The following LEKR1 variants were observed in gnomAD, a reference collection of about 807,000 sequenced individuals.
The protein encoded by LEKR1 is protein LEKR1.
Under a neutral mutation model 72.4 loss-of-function variants are expected in LEKR1, and 59 were observed. The ratio of observed to expected loss-of-function variants is 0.82; its 90% CI spans 0.66 to 1.01. The LOEUF (loss-of-function observed/expected upper bound fraction) is 1.01, where lower values mean the gene tolerates loss of function less well. LEKR1 is among the 50% of genes least tolerant of loss of function. The pLI is 0.00. For synonymous variants in LEKR1, 257 were observed against 263.2 expected, an observed-to-expected ratio of 0.98 and a Z score of 0.23; for missense variants, 728 against 759.2, an observed-to-expected ratio of 0.96 and a Z score of 0.48.
intron 3 of LEKR1, among the ~76,000 whole-genome samples, chr3:156,868,446 C>T (rs1281517316): frequency 1.3e-5 from 2 of 151,910 alleles, no homozygotes; most frequent in Admixed American, 1.3e-4. Context: ...TTACCTACTG[C>T]CAGAGAACAG....
At chr3:156,845,645 A>G (rs1714495848) in intron 2 of LEKR1, among the ~76,000 whole-genome samples, 1 of 151,858 alleles carries the variant, frequency 6.6e-6, no homozygotes, top group Non-Finnish European at 1.5e-5. Context: ...TCAGTTTGGC[A>G]TATTTATGGA....
chr3:157,036,237 T>C (rs1347130251), intron 12 of LEKR1, among the ~76,000 whole-genome samples: 1 of 152,038 alleles, frequency 6.6e-6, no homozygotes, highest in Non-Finnish European at 1.5e-5. Flanking sequence ...ATTGTATTCA[T>C]TAAACATAAA....
At chr3:156,881,606 C>T (rs1719353507) in intron 3 of LEKR1, among the ~76,000 whole-genome samples, 1 of 151,228 alleles carries the variant, frequency 6.6e-6, no homozygotes, top group South Asian at 2.1e-4. Context: ...ATGCCATCCC[C>T]ATCAAGCTAC....
chr3:156,891,780 C>T (rs774366742), intron 3 of LEKR1, among the ~76,000 whole-genome samples: 43 of 152,036 alleles, frequency 2.8e-4, no homozygotes, highest in Non-Finnish European at 2.1e-4. Context: ...TCTCAAATCT[C>T]CAAGAGATTT....
intron 2 of LEKR1, among the ~76,000 whole-genome samples, chr3:156,845,832 T>G (rs954498769): frequency 2.6e-5 from 4 of 152,152 alleles, no homozygotes; most frequent in Non-Finnish European, 5.9e-5. Flanking sequence ...TACATACAAA[T>G]TTGAGAATAA....
At chr3:156,855,052 TTTAC>T (rs1715877988) in intron 3 of LEKR1, among the ~76,000 whole-genome samples, 2 of 152,042 alleles carry the variant, frequency 1.3e-5, no homozygotes, top group South Asian at 4.1e-4. Context: ...TATGCTATAA[TTTAC>T]TTAATCAATT....
At position 157,026,831 on chromosome 3, in the gene LEKR1, C is replaced by G. The variant is rs141367281; in HGVS notation, c.1369-1272C>G. 1.6e-4 allele frequency among the ~76,000 whole-genome samples: 24 copies of G among 152,244 alleles called. No individual in the cohort carries two copies. The South Asian group carries it at 3.9e-3, about 25-fold the overall frequency. On this transcript the variant is annotated intron_variant, in intron 11 of 12. Coordinates refer to ENST00000356539, the MANE Select transcript of LEKR1 (RefSeq NM_001004316.3). The stretch of plus-strand genomic sequence containing the variant: ...GTTTCATTAGAAGCAGCTCTTGTTT[C>G]GTTGTTTTGTTTCTTAAGGAGAAAG...
intron 6 of LEKR1, 89 bp from the exon 7 acceptor site, chr3:156,979,105 A>C: frequency 1.8e-6 from 1 of 544,250 alleles, no homozygotes; most frequent in East Asian, 6.9e-5. Flanking sequence ...TCAGGAGCTG[A>C]CTAGCAACAA....
At chr3:156,936,582 G>A (rs79945627) in intron 5 of LEKR1, among the ~76,000 whole-genome samples, 1 of 151,978 alleles carries the variant, frequency 6.6e-6, no homozygotes, top group South Asian at 2.1e-4. Context: ...TTGCAGAATG[G>A]TTCATTGTAA....
chr3:156,988,586 C>A (rs1576954954), intron 7 of LEKR1: 2 of 202,668 alleles, frequency 9.9e-6, no homozygotes, highest in South Asian at 1.3e-4. Context: ...TCTTTAATTT[C>A]TTGGACATGG....
intron 10 of LEKR1, among the ~76,000 whole-genome samples, chr3:157,015,446 C>G (rs1560148131): frequency 6.6e-6 from 1 of 152,108 alleles, no homozygotes; most frequent in Non-Finnish European, 1.5e-5. Context: ...TTATAAGGCC[C>G]TAGGTAGAGT....
At chr3:156,943,207 G>A (rs1423427279) in intron 6 of LEKR1, among the ~76,000 whole-genome samples, 2 of 151,936 alleles carry the variant, frequency 1.3e-5, no homozygotes, top group Non-Finnish European at 2.9e-5. Context: ...AATAAAATAG[G>A]TAATCAGAAG....
intron 10 of LEKR1, chr3:157,017,233 C>A (rs77303778): frequency 6.6e-6 from 1 of 152,218 alleles, no homozygotes; most frequent in South Asian, 2.1e-4. Context: ...GTCTGTGGGC[C>A]GTAGTTGGCT....
chr3:156,849,389 C>G lies in LEKR1; in HGVS notation c.49-3379C>G, dbSNP rs1036812047. On this transcript the variant is annotated intron_variant, in intron 2 of 12. Coordinates refer to ENST00000356539, the MANE Select transcript of LEKR1 (RefSeq NM_001004316.3). Reference sequence around the variant, plus strand: ...ATCAAGCTACTAATGACTTTCTTCACAGAATTGGAAAAAACTACTTTAAAG... The same window carrying G: ...ATCAAGCTACTAATGACTTTCTTCAGAGAATTGGAAAAAACTACTTTAAAG... 3.2e-3 allele frequency among the ~76,000 whole-genome samples: 492 copies of G among 152,180 alleles called. 3 individuals carry two copies. Among genetic ancestry groups the G allele is most frequent in the African/African-American group, 0.011 (471 of 41,492 alleles).
intron 6 of LEKR1, among the ~76,000 whole-genome samples, chr3:156,953,375 C>T (rs1727338477): frequency 6.6e-6 from 1 of 151,424 alleles, no homozygotes; most frequent in Non-Finnish European, 1.5e-5. Context: ...TTCTGGGGTA[C>T]ACATGCAGGA....
intron 9 of LEKR1, among the ~76,000 whole-genome samples, chr3:157,009,987 T>C (rs1171251847): frequency 6.6e-6 from 1 of 152,088 alleles, no homozygotes. Flanking sequence ...ATAAAACTGT[T>C]CATAATATTT....
chr3:156,972,509 A>G (rs1327135412), intron 6 of LEKR1, among the ~76,000 whole-genome samples: 10 of 152,000 alleles, frequency 6.6e-5, no homozygotes, highest in Non-Finnish European at 7.4e-5. Context: ...TAAATAAATA[A>G]ATAGTGAAAA....
intron 5 of LEKR1, among the ~76,000 whole-genome samples, chr3:156,938,510 G>A (rs532115628): frequency 1.7e-4 from 26 of 152,190 alleles, no homozygotes; most frequent in African/African-American, 6.0e-4. Context: ...CAAAGTAGCT[G>A]GGACTACAGG....
Position 156,999,826 on chromosome 3 carries a change from T to A in LEKR1, c.1109+6549T>A, listed in dbSNP as rs1293468616. ...TGCCTCACTGGTGAAGCAGGTGTCATTTTCCACATTTTGGAGATGAGGACA... is the reference window on the plus strand; with the variant it reads ...TGCCTCACTGGTGAAGCAGGTGTCAATTTCCACATTTTGGAGATGAGGACA... On this transcript the variant is annotated intron_variant, in intron 9 of 12. Coordinates refer to ENST00000356539, the MANE Select transcript of LEKR1 (RefSeq NM_001004316.3). 5.3e-5 allele frequency among the ~76,000 whole-genome samples: 8 copies of A among 152,178 alleles called. No homozygotes were observed. The East Asian group carries it at 1.5e-3, about 29-fold the overall frequency.
Sources: allele counts gnomAD v4.1 joint callset (sites outside exome capture counted in the v4.1 genomes callset), GRCh38; gene constraint gnomAD v4.1.1; transcripts MANE v1.5; gene names NCBI Gene and HGNC (gene_info 2026-07-23, HGNC 2026-07-21).